FARP1: variants seen among roughly 807,000 people sequenced by gnomAD.
The protein encoded by FARP1 is FERM, ARHGEF and pleckstrin domain-containing protein 1.
A neutral mutation model predicts 128.8 loss-of-function variants in FARP1; 52 were observed. The observed-to-expected ratio is 0.40, with a 90% CI of 0.32 to 0.51. FARP1 has a LOEUF of 0.51. Ranked by LOEUF, FARP1 falls within the 20% of genes least tolerant of loss-of-function variation. FARP1 has a pLI of 0.45. For missense variants in FARP1, 1,333 were observed against 1,367.9 expected, an observed-to-expected ratio of 0.97 and a Z score of 0.40; for synonymous variants, 580 against 551.8, an observed-to-expected ratio of 1.05 and a Z score of -0.72.
chr13:98,287,446 G>A (rs1347511963), intron 2 of FARP1, among the ~76,000 whole-genome samples: 6 of 151,766 alleles, frequency 4.0e-5, no homozygotes, highest in Middle Eastern at 3.4e-3. Flanking sequence ...AGCCAGGATG[G>A]TCTCAATCTC....
At chr13:98,178,196 T>A (rs1479293387) in intron 1 of FARP1, among the ~76,000 whole-genome samples, 14 of 146,988 alleles carry the variant, frequency 9.5e-5, no homozygotes, top group Non-Finnish European at 2.1e-4. Flanking sequence ...TTAATTTTTT[T>A]TTTTTTTTTT....
At chr13:98,366,949 T>G (rs1889112758) in intron 4 of FARP1, among the ~76,000 whole-genome samples, 1 of 152,208 alleles carries the variant, frequency 6.6e-6, no homozygotes, top group African/African-American at 2.4e-5. Context: ...TTGTATATGA[T>G]AGTGAAAAGT....
intron 3 of FARP1, among the ~76,000 whole-genome samples, chr13:98,352,032 G>A (rs1335703570): frequency 2.6e-5 from 4 of 152,090 alleles, no homozygotes; most frequent in African/African-American, 9.7e-5. Flanking sequence ...TTCTAAGAAG[G>A]TGGTGGTGGT....
chr13:98,267,417 G>C (rs965716828), intron 2 of FARP1, among the ~76,000 whole-genome samples: 2 of 152,202 alleles, frequency 1.3e-5, no homozygotes, highest in East Asian at 3.9e-4. Flanking sequence ...TGTCCAGACT[G>C]TTTTGCTCAA....
At chr13:98,264,634 A>C (rs1217678814) in intron 2 of FARP1, among the ~76,000 whole-genome samples, 2 of 152,210 alleles carry the variant, frequency 1.3e-5, no homozygotes, top group Non-Finnish European at 2.9e-5. Context: ...GAAGTTCTCT[A>C]CTTAATAAGG....
intron 2 of FARP1, among the ~76,000 whole-genome samples, chr13:98,295,082 CACACACACACACACACACACACATATAT>C (rs1407188561): frequency 2.2e-5 from 2 of 90,454 alleles, no homozygotes; most frequent in Non-Finnish European, 5.0e-5. Flanking sequence ...CACACACACA[CACACACACACACACACACACACATATAT>C]CCCCAGGCAT....
intron 3 of FARP1, among the ~76,000 whole-genome samples, chr13:98,359,346 A>C (rs1888768629): frequency 6.6e-6 from 1 of 152,206 alleles, no homozygotes; most frequent in Admixed American, 6.5e-5. Flanking sequence ...CCCTGCTCTC[A>C]TATCAAATAA....
At chr13:98,197,857 G>C (rs903633248) in intron 1 of FARP1, among the ~76,000 whole-genome samples, 2 of 151,816 alleles carry the variant, frequency 1.3e-5, no homozygotes, top group East Asian at 2.0e-4. Flanking sequence ...GGATGGTCTC[G>C]ATCTCCTGAC....
At chr13:98,202,180 C>A (rs114389812) in intron 1 of FARP1, among the ~76,000 whole-genome samples, 3 of 152,180 alleles carry the variant, frequency 2.0e-5, no homozygotes, top group Non-Finnish European at 2.9e-5. Context: ...CAGCTCCTGG[C>A]GTGTGGCTCC....
intron 18 of FARP1, chr13:98,433,913 C>T (rs572548456): frequency 1.2e-4 from 18 of 152,302 alleles, no homozygotes; most frequent in African/African-American, 4.1e-4. Context: ...GTGTGTTGGC[C>T]GAGCCCGGAG....
At chr13:98,251,112 T>C (rs79678228) in intron 2 of FARP1, among the ~76,000 whole-genome samples, 1,704 of 152,044 alleles carry the variant, frequency 0.011, 23 homozygotes, top group Non-Finnish European at 0.018. Flanking sequence ...GGCACATACA[T>C]GTGTGTACAT....
At chr13:98,279,368 TTC>T (rs1884822478) in intron 2 of FARP1, among the ~76,000 whole-genome samples, 1 of 151,844 alleles carries the variant, frequency 6.6e-6, no homozygotes, top group Non-Finnish European at 1.5e-5. Context: ...GAAGTGAAAT[TTC>T]TTTTTATTAA....
chr13:98,264,461 CAG>C (rs1884010293), intron 2 of FARP1, among the ~76,000 whole-genome samples: 1 of 152,206 alleles, frequency 6.6e-6, no homozygotes, highest in Non-Finnish European at 1.5e-5. Context: ...GCCAGTCACT[CAG>C]GAGCTGCCTT....
chr13:98,427,443 A>G (rs1276729880), intron 17 of FARP1, among the ~76,000 whole-genome samples: 1 of 152,074 alleles, frequency 6.6e-6, no homozygotes, highest in African/African-American at 2.4e-5. Flanking sequence ...GTGTTCTTCA[A>G]TCTGAGATCA....
At chr13:98,309,236 G>A (rs1340529890) in intron 2 of FARP1, among the ~76,000 whole-genome samples, 1 of 120,434 alleles carries the variant, frequency 8.3e-6, no homozygotes, top group Admixed American at 1.1e-4. Context: ...GCGCAATCTC[G>A]GCTCACTGCA....
At chr13:98,220,158 A>T (rs1881331862) in intron 2 of FARP1, among the ~76,000 whole-genome samples, 1 of 152,030 alleles carries the variant, frequency 6.6e-6, no homozygotes, top group South Asian at 2.1e-4. Flanking sequence ...CTCTCCTGGA[A>T]TGGAGTCCCT....
intron 2 of FARP1, among the ~76,000 whole-genome samples, chr13:98,226,887 G>A (rs775149245): frequency 4.6e-5 from 7 of 151,894 alleles, no homozygotes; most frequent in African/African-American, 7.3e-5. Flanking sequence ...GGGAGAGTGC[G>A]AGTTTGAAAG....
At chr13:98,383,847 AC>A (rs1327413137) in intron 6 of FARP1, 9 of 152,158 alleles carry the variant, frequency 5.9e-5, no homozygotes, top group African/African-American at 2.2e-4. Context: ...ACAGATAAAA[AC>A]GTGTAAGACT....
At chr13:98,442,749 C>T (rs9517298) in intron 24 of FARP1, among the ~76,000 whole-genome samples, 44,424 of 152,204 alleles carry the variant, frequency 0.29, 7,752 homozygotes, top group East Asian at 0.47. Context: ...TCATGGGAAA[C>T]GAGGCCTCAT....
Sources: allele counts gnomAD v4.1 joint callset (sites outside exome capture counted in the v4.1 genomes callset), GRCh38; gene constraint gnomAD v4.1.1; transcripts MANE v1.5; gene names NCBI Gene and HGNC (gene_info 2026-07-23, HGNC 2026-07-21).